Variants in IL4I1 observed in about 807,000 individuals in gnomAD.
IL4I1 encodes interleukin 4 induced 1.
IL4I1 carries 24 observed loss-of-function variants against 29.7 expected under a neutral mutation model. The observed-to-expected ratio is 0.81, with a 90% confidence interval of 0.59 to 1.14. The LOEUF (loss-of-function observed/expected upper bound fraction) is 1.14, where lower values mean the gene tolerates loss of function less well. Ranked by LOEUF, IL4I1 falls within the 50% of genes most tolerant of loss-of-function variation. The probability of loss-of-function intolerance (pLI) is 0.00; values close to 1 mark genes in which losing one functional copy is unlikely to be tolerated. For missense variants in IL4I1, 686 were observed against 785.6 expected (o/e 0.87, Z 1.52); for synonymous variants, 371 against 352.5 (o/e 1.05, Z -0.59).
At position 49,890,465 on chromosome 19, in the gene IL4I1, G is replaced by A. The variant is rs907830853; in HGVS notation, c.909C>T (p.Thr303=). 1.9e-5 allele frequency: 31 copies of A among 1,611,882 alleles called. No homozygotes were observed. Among genetic ancestry groups the A allele is most frequent in the Non-Finnish European group, 2.5e-5 (30 of 1,179,806 alleles). Residue 303 remains threonine, a synonymous_variant, in exon 8 of 8, where the codon ACC becomes ACT. Transcript: ENST00000391826. ...CCTTCAGATTCCGCGCCGGGGGAGA[G>A]GTCTCGATCTGCACGTGCACATCGT... The part of the protein sequence containing the change: ...GPHDVHVQIE[T]SPPARNLKVL...
intron 2 of IL4I1, chr19:49,909,139 C>T (rs769656301): frequency 2.0e-5 from 33 of 1,612,606 alleles, no homozygotes; most frequent in East Asian, 6.7e-5. Flanking sequence ...TTGCTATTGA[C>T]GCAAAGAGGC....
intron 2 of IL4I1, chr19:49,909,522 T>C (rs1235435078): frequency 3.7e-6 from 6 of 1,614,186 alleles, no homozygotes; most frequent in Admixed American, 1.7e-5. Context: ...AAGTTGAGCT[T>C]TGAAGCACCG....
At chr19:49,903,841 T>TG (rs1193003636) in intron 3 of IL4I1, among the ~76,000 whole-genome samples, 1 of 141,568 alleles carries the variant, frequency 7.1e-6, no homozygotes, top group Admixed American at 7.0e-5. Flanking sequence ...TTTTTTTTTT[T>TG]TTTTTTTTTT....
At chr19:49,910,576 C>T (rs1769967360) in intron 2 of IL4I1, among the ~76,000 whole-genome samples, 1 of 152,176 alleles carries the variant, frequency 6.6e-6, no homozygotes, top group South Asian at 2.1e-4. Flanking sequence ...CTGGGGTTTT[C>T]TCCAGGCTTG....
rs145786285 is a variant in IL4I1, at chr19:49,890,391, T to G, written c.983A>C (p.Lys328Thr). The G allele has an allele frequency of 3.7e-6, 6 of 1,604,930 alleles. No individual in the cohort carries two copies. In the African/African-American group the frequency reaches 8.0e-5, roughly 21 times the overall value. The change falls in exon 8 of 8, where the codon AAG becomes ACG. Residue 328 changes from lysine (K) to threonine (T), a missense_variant. Coordinates refer to ENST00000391826, the MANE Select transcript of IL4I1 (RefSeq NM_152899.2). Reference protein sequence around the residue: ...VLLTASGPAVKRITFSPPLPR... With the variant: ...VLLTASGPAVTRITFSPPLPR... ...CAGCGGCGGCGAGAAGGTGATGCGC[T>G]TCACCGCCGGTCCGCTCGCCGTCAG...
rs543103109 is a variant in IL4I1 at position 49,906,481 on chromosome 19, G to A, written c.-227-2160C>T. Among the ~76,000 whole-genome samples, 7 of 152,210 alleles carry A rather than the reference G, an allele frequency of 4.6e-5. No homozygotes were observed. The South Asian group carries it at 1.5e-3, about 32-fold the overall frequency. ...CCCATCTTGGCCTCCCAAAGTGCTG[G>A]GATTACAGGTGTGAGCCACCTCGCC... On this transcript the variant is annotated intron_variant, in intron 2 of 9. Transcript: ENST00000341114.
Position 49,909,105 on chromosome 19 carries a change from T to C in IL4I1, c.-227-4784A>G, listed in dbSNP as rs771987135. On this transcript the variant is annotated intron_variant, in intron 2 of 9. Transcript: ENST00000341114. The stretch of plus-strand genomic sequence containing the variant: ...ACAGGGGTACAGAGGGAGAGTCCAG[T>C]GGTGGCAGATGAGGTTGGAGCAGTT... 6 of 1,612,088 alleles carry C rather than the reference T, an allele frequency of 3.7e-6. No individual in the cohort carries two copies. The highest frequency in any genetic ancestry group is 3.4e-6 in the Non-Finnish European group (4 of 1,179,988).
At chr19:49,899,807 G>A (rs528921765), upstream of IL4I1, among the ~76,000 whole-genome samples, 11 of 152,030 alleles carry the variant, frequency 7.2e-5, no homozygotes, top group South Asian at 2.1e-4. Context: ...TGCCCGCCTC[G>A]GCCTCCCAAA....
Position 49,929,365 on chromosome 19 carries a change from G to A in IL4I1, c.-389C>T, listed in dbSNP as rs11083991. 169 of 154,372 alleles carry A rather than the reference G, an allele frequency of 1.1e-3. 1 individual carries two copies. Among genetic ancestry groups the A allele is most frequent in the African/African-American group, 3.9e-3 (161 of 41,576 alleles). 9.6% of individuals were successfully genotyped at this position (154,372 alleles called of 1,614,324 possible). ...CCGCTCCCACCTTCTTTCTTCAGCC[G>A]AGGCCGCCGCCGCCTCTCCTTGCTG... On this transcript the variant is annotated 5_prime_UTR_variant, in exon 1 of 10. Coordinates refer to the IL4I1 transcript ENST00000341114.
At chr19:49,918,408 C>T (rs1152238) in intron 2 of IL4I1, 123,321 of 152,028 alleles carry the variant, frequency 0.81, 50,331 homozygotes, top group East Asian at 0.96. Context: ...GAAGAGCTCC[C>T]CTCTCCCACC....
chr19:49,907,873 C>T (rs2075358954), intron 2 of IL4I1: 1 of 374,868 alleles, frequency 2.7e-6, no homozygotes, highest in South Asian at 2.4e-5. Flanking sequence ...TTTCATGACA[C>T]CTATGACTAT....
chr19:49,917,276 G>A (rs1331654247), intron 2 of IL4I1, among the ~76,000 whole-genome samples: 2 of 152,216 alleles, frequency 1.3e-5, no homozygotes, highest in South Asian at 2.1e-4. Flanking sequence ...TTGCCCTCCC[G>A]TGGGAACCTC....
At chr19:49,898,159 A>G (rs2075235608), upstream of IL4I1, among the ~76,000 whole-genome samples, 1 of 152,024 alleles carries the variant, frequency 6.6e-6, no homozygotes, top group South Asian at 2.1e-4. Flanking sequence ...CGTCTCTACT[A>G]AAAATATAAA....
At chr19:49,922,096 A>T (rs2075778731) in intron 2 of IL4I1, among the ~76,000 whole-genome samples, 1 of 152,056 alleles carries the variant, frequency 6.6e-6, no homozygotes, top group East Asian at 1.9e-4. Context: ...ACCCCTCCTG[A>T]CTCAGAGCTG....
At chr19:49,914,098 C>G (rs114485633) in intron 2 of IL4I1, among the ~76,000 whole-genome samples, 1 of 152,120 alleles carries the variant, frequency 6.6e-6, no homozygotes. Context: ...CCTGTAATCC[C>G]AGTACTTTCG....
At chr19:49,909,360 C>A (rs1233129164) in intron 2 of IL4I1, 4 of 1,613,866 alleles carry the variant, frequency 2.5e-6, no homozygotes, top group Non-Finnish European at 3.4e-6. Context: ...GTAGCTGGAG[C>A]CACAGAGGTG....
intron 3 of IL4I1, among the ~76,000 whole-genome samples, chr19:49,902,882 C>T (rs919238896): frequency 4.4e-4 from 66 of 151,388 alleles, no homozygotes; most frequent in African/African-American, 1.6e-3. Context: ...TCTGGGAGGC[C>T]GAGACAGGTG....
upstream of IL4I1, among the ~76,000 whole-genome samples, chr19:49,898,087 G>A (rs1011999286): frequency 7.9e-5 from 12 of 152,222 alleles, no homozygotes; most frequent in Admixed American, 6.5e-4. Context: ...TTGGGAGGTC[G>A]AGGCAGGCGG....
Position 49,890,189 on chromosome 19 carries a change from C to G in IL4I1, c.1185G>C (p.Leu395=), listed in dbSNP as rs1231723914. The change falls in exon 8 of 8, where the codon CTG becomes CTC. Residue 395 remains leucine, a synonymous_variant. Transcript: ENST00000391826. ...CCGCGTCCGACCACGTGTACGAGGC[C>G]AGCAGCAGCGCGCCCTCGCGCGGCG... The part of the protein sequence containing the change: ...YPPPREGALL[L]ASYTWSDAAA... 3 of 1,543,870 alleles carry G rather than the reference C, an allele frequency of 1.9e-6. No individual in the cohort carries two copies. Among genetic ancestry groups the G allele is most frequent in the Non-Finnish European group, 2.6e-6 (3 of 1,142,952 alleles).
Sources: allele counts gnomAD v4.1 joint callset (sites outside exome capture counted in the v4.1 genomes callset), GRCh38; gene constraint gnomAD v4.1.1; transcripts MANE v1.5; gene names NCBI Gene and HGNC (gene_info 2026-07-23, HGNC 2026-07-21).